CDCA7: variants seen among roughly 807,000 people sequenced by gnomAD.
The protein encoded by CDCA7 is cell division cycle-associated protein 7.
CDCA7 carries 28 observed loss-of-function variants against 54.0 expected under a neutral mutation model. That is an observed-to-expected ratio of 0.52 (90% CI 0.38 to 0.71). CDCA7 has a LOEUF of 0.71. CDCA7 is among the 30% of genes least tolerant of loss of function. The pLI, the probability that CDCA7 is intolerant of heterozygous loss-of-function variation, is 0.00. For missense variants in CDCA7, 484 were observed against 586.0 expected (o/e 0.83, Z 1.80); for synonymous variants, 180 against 208.2 (o/e 0.86, Z 1.16).
In CDCA7 at chr2:173,365,448, G is replaced by T; in HGVS notation, c.895-4G>T. The T allele has an allele frequency of 6.2e-7, 1 of 1,607,090 alleles. No homozygotes were observed. Among genetic ancestry groups the T allele is most frequent in the African/African-American group, 1.3e-5 (1 of 74,646 alleles). ...TTCTGTGTTTTGTATTCCTTGTAAT[G>T]CAGGAAGATGACCTGCCCAGAAGCC... On this transcript the variant is annotated splice_polypyrimidine_tract_variant and splice_region_variant and intron_variant, in intron 6 of 9. Coordinates refer to ENST00000306721, the MANE Select transcript of CDCA7 (RefSeq NM_031942.5).
intron 2 of CDCA7, 82 bp from the exon 3 acceptor site, chr2:173,359,173 T>C: frequency 8.9e-7 from 1 of 1,119,340 alleles, no homozygotes; most frequent in Non-Finnish European, 1.3e-6. Flanking sequence ...TAAATGTGAT[T>C]TGCTCTCTGC....
At chr2:173,359,937 G>T (rs1295546014) in intron 3 of CDCA7, among the ~76,000 whole-genome samples, 1 of 152,208 alleles carries the variant, frequency 6.6e-6, no homozygotes, top group Non-Finnish European at 1.5e-5. Flanking sequence ...CTCCATTGCA[G>T]ATAATGACAT....
chr2:173,365,976 T>C (rs1336991044), intron 7 of CDCA7, among the ~76,000 whole-genome samples: 1 of 152,220 alleles, frequency 6.6e-6, no homozygotes, highest in Non-Finnish European at 1.5e-5. Flanking sequence ...AAAGCGGTTT[T>C]ACCACACCAG....
intron 7 of CDCA7, 107 bp downstream of exon 7, chr2:173,365,699 G>C (rs1686707337): frequency 8.1e-7 from 1 of 1,235,794 alleles, no homozygotes; most frequent in Non-Finnish European, 1.1e-6. Flanking sequence ...TGTGAAATCT[G>C]TACCTATATG....
At chr2:173,361,020 G>T (rs1195602342) in intron 3 of CDCA7, among the ~76,000 whole-genome samples, 1 of 152,166 alleles carries the variant, frequency 6.6e-6, no homozygotes, top group Non-Finnish European at 1.5e-5. Flanking sequence ...TTAGCCCGTT[G>T]TGGATATTTC....
rs1686690314 is a variant in CDCA7, at chr2:173,364,891, A to T, written c.796A>T (p.Ile266Phe). 1 of 1,610,398 alleles carries T rather than the reference A, an allele frequency of 6.2e-7. No homozygotes were observed. Among genetic ancestry groups the T allele is most frequent in the African/African-American group, 1.3e-5 (1 of 74,794 alleles). ...ARPLTRSRSRILGSLDALPME... is the reference protein window; with the variant it reads ...ARPLTRSRSRFLGSLDALPME... Reference sequence around the variant, plus strand: ...TCCTCTTACCAGGTCAAGGTCCCGGATCCTCGGGTCCCTTGACGCTCTACC... The same window carrying T: ...TCCTCTTACCAGGTCAAGGTCCCGGTTCCTCGGGTCCCTTGACGCTCTACC... The change falls in exon 6 of 10, where the codon ATC (isoleucine) becomes TTC (phenylalanine). Residue 266 changes from isoleucine to phenylalanine, a missense_variant. Ile to Phe is a conservative substitution (Grantham distance 21). Around this residue, in one of 3 missense-constraint regions of CDCA7, gnomAD observed 398 missense variants for 447.4 expected, o/e 0.89. Coordinates refer to ENST00000306721, the MANE Select transcript of CDCA7 (RefSeq NM_031942.5).
chr2:173,364,231 A>G (rs910186720), intron 5 of CDCA7: 5 of 204,760 alleles, frequency 2.4e-5, no homozygotes, highest in South Asian at 1.7e-4. Flanking sequence ...TAGATGTGCA[A>G]TAGATGTTTT....
At chr2:173,362,010 T>A (rs1259708432) in intron 3 of CDCA7, among the ~76,000 whole-genome samples, 1 of 152,094 alleles carries the variant, frequency 6.6e-6, no homozygotes, top group Non-Finnish European at 1.5e-5. Flanking sequence ...AGAAACGGGA[T>A]TTCACCATGT....
In CDCA7 at chr2:173,367,733, C is replaced by T; in HGVS notation, c.*69C>T. The T allele has an allele frequency of 1.3e-6, 2 of 1,504,894 alleles. No individual in the cohort carries two copies. Among genetic ancestry groups the T allele is most frequent in the Non-Finnish European group, 1.8e-6 (2 of 1,081,990 alleles). 93.2% of individuals were successfully genotyped at this position (1,504,894 alleles called of 1,614,324 possible). A position where few individuals can be genotyped will look rare whatever the true frequency, so the allele number is the denominator to read the frequency against. Reference sequence around the variant, plus strand: ...CTTGTAAAAGTTTCCAATTTTTTCACTGAAACCTGAGTTAAAAATCTTGAT... The same window carrying T: ...CTTGTAAAAGTTTCCAATTTTTTCATTGAAACCTGAGTTAAAAATCTTGAT... On this transcript the variant is annotated 3_prime_UTR_variant, in exon 10 of 10. Coordinates refer to ENST00000306721, the MANE Select transcript of CDCA7 (RefSeq NM_031942.5).
intron 6 of CDCA7, 148 bp downstream of exon 6, chr2:173,365,137 A>G (rs1558950558): frequency 1.1e-5 from 14 of 1,316,180 alleles, no homozygotes; most frequent in Non-Finnish European, 1.4e-5. Context: ...TAAACGTCAC[A>G]TAAGCTTACT....
At position 173,364,092 on chromosome 2, in the gene CDCA7, C is replaced by A. The variant is rs1686673029; in HGVS notation, c.699+197C>A. Reference sequence around the variant, plus strand: ...AGTTTGGTCTCTCCTTGCTGTGCTCCTGTGGCACTAAACTCCTTTTGATTG... The same window carrying A: ...AGTTTGGTCTCTCCTTGCTGTGCTCATGTGGCACTAAACTCCTTTTGATTG... On this transcript the variant is annotated intron_variant, in intron 5 of 9. Transcript: ENST00000306721. 6.2e-6 allele frequency: 3 copies of A among 487,624 alleles called. No homozygotes were observed. The South Asian group carries it at 1.1e-4, about 17-fold the overall frequency. 30.2% of individuals were successfully genotyped at this position (487,624 alleles called of 1,614,324 possible). A position where few individuals can be genotyped will look rare whatever the true frequency, so the allele number is the denominator to read the frequency against.
chr2:173,362,950 A>C (rs1686650319), intron 3 of CDCA7, among the ~76,000 whole-genome samples: 1 of 152,190 alleles, frequency 6.6e-6, no homozygotes. Flanking sequence ...AATGAAAAGC[A>C]GGTGGTAGGA....
At position 173,363,858 on chromosome 2, in the gene CDCA7, C is replaced by G; in HGVS notation, c.662C>G (p.Ser221Trp). The change falls in exon 5 of 10, where the codon TCG becomes TGG. Residue 221 changes from serine (S) to tryptophan (W), a missense_variant. Around this residue, in one of 3 missense-constraint regions of CDCA7, gnomAD observed 398 missense variants for 447.4 expected, o/e 0.89. Coordinates refer to ENST00000306721, the MANE Select transcript of CDCA7 (RefSeq NM_031942.5). ...LMSELESFPG[S>W]FRGRHPLPGS... is the part of the protein sequence containing the mutation. Reference sequence around the variant, plus strand: ...TCTGAATTAGAAAGCTTCCCTGGCTCGTTCCGTGGAAGACATCCCCTCCCA... The same window carrying G: ...TCTGAATTAGAAAGCTTCCCTGGCTGGTTCCGTGGAAGACATCCCCTCCCA... The G allele has an allele frequency of 6.2e-7, 1 of 1,614,204 alleles. No individual in the cohort carries two copies. The highest frequency in any genetic ancestry group is 8.5e-7 in the Non-Finnish European group (1 of 1,180,034).
intron 4 of CDCA7, 144 bp from the exon 5 acceptor site, chr2:173,363,674 G>T: frequency 1.0e-6 from 1 of 952,990 alleles, no homozygotes. Flanking sequence ...TAAGTGTATA[G>T]GGGAAATCAG....
Position 173,366,839 on chromosome 2 carries a change from C to T in CDCA7, c.1186-311C>T, listed in dbSNP as rs1044770275. Among the ~76,000 whole-genome samples, 1 of 152,156 alleles carries T rather than the reference C, an allele frequency of 6.6e-6. No individual in the cohort carries two copies. ...GGGATTACAGGTGTGAGCCACCACG[C>T]CCGGCCCAGGGTGCTCTTAATTCAG... On this transcript the variant is annotated intron_variant, in intron 8 of 9. Coordinates refer to ENST00000306721, the MANE Select transcript of CDCA7 (RefSeq NM_031942.5). The surrounding 1 kb of genome is among the most constrained non-coding windows in gnomAD (Gnocchi z 4.5).
Position 173,366,418 on chromosome 2 carries a change from G to T in CDCA7, c.1171G>T (p.Ala391Ser). The change falls in exon 8 of 10, where the codon GCT becomes TCT. Residue 391 changes from alanine to serine, a missense_variant. This residue lies in a region of CDCA7 where 83 missense variants were observed against 122.3 expected (regional missense o/e 0.68). Transcript: ENST00000306721. The surrounding 1 kb of genome is among the most constrained non-coding windows in gnomAD (Gnocchi z 4.5). Reference sequence around the variant, plus strand: ...CCGTTATGGTGAAGAGGTCAGGGATGCTCTGCTGGATCCGGTAGGTGCCTG... The same window carrying T: ...CCGTTATGGTGAAGAGGTCAGGGATTCTCTGCTGGATCCGGTAGGTGCCTG... ...RNRYGEEVRD[A>S]LLDPNWHCPP... The T allele has an allele frequency of 6.2e-7, 1 of 1,614,150 alleles. No individual in the cohort carries two copies. The highest frequency in any genetic ancestry group is 8.5e-7 in the Non-Finnish European group (1 of 1,180,012).
At chr2:173,364,759 G>A in intron 5 of CDCA7, 36 bp from the exon 6 acceptor site, 2 of 1,556,336 alleles carry the variant, frequency 1.3e-6, no homozygotes, top group Non-Finnish European at 1.7e-6. Context: ...TCTTTATTAT[G>A]GAATAAATGG....
intron 1 of CDCA7, chr2:173,356,252 A>G (rs905295738): frequency 6.6e-6 from 1 of 152,182 alleles, no homozygotes; most frequent in Non-Finnish European, 1.5e-5. Context: ...TGCCTGGTAA[A>G]TAACTCTTGG....
chr2:173,360,304 C>T (rs1241238961), intron 3 of CDCA7, among the ~76,000 whole-genome samples: 2 of 152,112 alleles, frequency 1.3e-5, no homozygotes, highest in African/African-American at 2.4e-5. Context: ...GATCTGGATG[C>T]GACACAAACA....
Sources: gnomAD v4.1 joint callset for allele counts (sites outside exome capture counted in the v4.1 genomes callset) on GRCh38, gnomAD v4.1.1 for gene constraint, gnomAD v4.1.1 regional missense constraint, Gnocchi (gnomAD v3.1) non-coding constraint, MANE v1.5 for transcripts, NCBI Gene and HGNC (gene_info 2026-07-23, HGNC 2026-07-21) for gene names.